Variants in RPA3 observed in about 807,000 individuals in gnomAD.
The protein encoded by RPA3 is replication protein A3, also known as replication protein A 14 kDa subunit.
In RPA3, 24 loss-of-function variants were observed where a neutral mutation model predicts 13.7. The observed-to-expected ratio is 1.75, with a 90% CI of 1.27 to 2.46. The LOEUF (loss-of-function observed/expected upper bound fraction) is 2.46, where lower values mean the gene tolerates loss of function less well. RPA3 is among the 30% of genes most tolerant of loss of function. The probability of loss-of-function intolerance (pLI) is 0.00; values close to 1 mark genes in which losing one functional copy is unlikely to be tolerated. For synonymous variants in RPA3, 59 were observed against 51.2 expected (o/e 1.15, Z -0.65); for missense variants, 183 against 151.0 (o/e 1.21, Z -1.11).
At position 7,710,591 on chromosome 7, in the gene RPA3, T is replaced by C. The variant is rs531694593; in HGVS notation, c.-1028+4584A>G. 6.6e-5 allele frequency among the ~76,000 whole-genome samples: 10 copies of C among 152,304 alleles called. 1 individual carries two copies. Among genetic ancestry groups the C allele is most frequent in the African/African-American group, 2.4e-4 (10 of 41,582 alleles). On this transcript the variant is annotated intron_variant, in intron 2 of 7. Transcript: ENST00000223129. ...TAAGGATGAAGAGAATCTGGATCAC[T>C]TATTGATGATAGGAATGTAAAATGG... is the stretch of plus-strand genomic sequence containing the variant.
intron 4 of RPA3, among the ~76,000 whole-genome samples, chr7:7,670,158 A>G (rs1268862271): frequency 6.6e-6 from 1 of 152,182 alleles, no homozygotes; most frequent in Non-Finnish European, 1.5e-5. Flanking sequence ...ACTACACTTG[A>G]GTTTAGTCTG....
intron 4 of RPA3, among the ~76,000 whole-genome samples, chr7:7,683,330 T>C (rs1167834238): frequency 6.6e-6 from 1 of 152,126 alleles, no homozygotes; most frequent in Non-Finnish European, 1.5e-5. Context: ...GCCCAGGAAT[T>C]GATTTTTTCC....
chr7:7,677,664 G>GTT (rs141602455), intron 4 of RPA3, among the ~76,000 whole-genome samples: 2 of 113,500 alleles, frequency 1.8e-5, no homozygotes, highest in Admixed American at 9.9e-5. Context: ...CTGTTTTTTT[G>GTT]TTTTTTTTTT....
chr7:7,680,900 T>C (rs1779892699), intron 4 of RPA3, among the ~76,000 whole-genome samples: 3 of 152,158 alleles, frequency 2.0e-5, no homozygotes, highest in South Asian at 4.1e-4. Context: ...TTGTATGCCG[T>C]AACCTTACTG....
chr7:7,700,366 C>G (rs1197901714), intron 2 of RPA3, among the ~76,000 whole-genome samples: 1 of 152,164 alleles, frequency 6.6e-6, no homozygotes, highest in African/African-American at 2.4e-5. Context: ...GATTTCATTT[C>G]ATGAATTTTG....
chr7:7,692,875 G>A (rs764026135), intron 2 of RPA3, among the ~76,000 whole-genome samples: 16 of 152,160 alleles, frequency 1.1e-4, no homozygotes, highest in Non-Finnish European at 1.5e-4. Flanking sequence ...CCACAGGGCT[G>A]GGATTACAGG....
At chr7:7,692,375 G>A (rs1481837054) in intron 2 of RPA3, 3 of 152,152 alleles carry the variant, frequency 2.0e-5, no homozygotes, top group Non-Finnish European at 4.4e-5. Flanking sequence ...GGAGGAGAAA[G>A]ACATTCCAAG....
chr7:7,717,068 T>C (rs968933656), intron 1 of RPA3, among the ~76,000 whole-genome samples: 12 of 150,952 alleles, frequency 7.9e-5, no homozygotes, highest in African/African-American at 2.9e-4. Context: ...TTCTTTTTTT[T>C]TTTTTTGAGA....
At chr7:7,707,026 G>C (rs1446104757) in intron 2 of RPA3, among the ~76,000 whole-genome samples, 1 of 152,124 alleles carries the variant, frequency 6.6e-6, no homozygotes, top group African/African-American at 2.4e-5. Context: ...TCTAGAAACA[G>C]AAACATGACT....
At position 7,638,925 on chromosome 7, in the gene RPA3, C is replaced by A. The variant is rs1047103332; in HGVS notation, c.174+145G>T. The stretch of plus-strand genomic sequence containing the variant: ...AAGGAAATATAATGAGAGAATAGTA[C>A]AAGAATTAAATTTTACAGCCAGGGA... On this transcript the variant is annotated intron_variant, in intron 6 of 7. Transcript: ENST00000223129. 7 of 515,832 alleles carry A rather than the reference C, an allele frequency of 1.4e-5. No individual in the cohort carries two copies. In the South Asian group the frequency reaches 2.5e-4, roughly 18 times the overall value. 32.0% of individuals were successfully genotyped at this position (515,832 alleles called of 1,614,324 possible). A position where few individuals can be genotyped will look rare whatever the true frequency, so the allele number is the denominator to read the frequency against.
intron 4 of RPA3, among the ~76,000 whole-genome samples, chr7:7,673,627 G>C (rs1025637723): frequency 1.3e-5 from 2 of 152,212 alleles, no homozygotes; most frequent in Middle Eastern, 3.4e-3. Flanking sequence ...ACTTGGAATA[G>C]TGTCATCAAG....
intron 2 of RPA3, among the ~76,000 whole-genome samples, chr7:7,705,386 T>A (rs1355590904): frequency 2.0e-5 from 3 of 152,226 alleles, no homozygotes. Flanking sequence ...AAAGTAATTT[T>A]ACATGTTCTA....
chr7:7,637,999 T>C (rs1784893761), intron 6 of RPA3, 27 bp from the exon 7 acceptor site: 1 of 1,553,850 alleles, frequency 6.4e-7, no homozygotes, highest in African/African-American at 1.4e-5. Flanking sequence ...GACATCGATT[T>C]GGTGATATCA....
At position 7,653,371 on chromosome 7, in the gene RPA3, A is replaced by T. The variant is rs553412090; in HGVS notation, c.-757-12196T>A. On this transcript the variant is annotated intron_variant, in intron 4 of 7. Coordinates refer to ENST00000223129, the MANE Select transcript of RPA3 (RefSeq NM_002947.5). Reference sequence around the variant, plus strand: ...TTTGTCAGTGATTGAGATCCAAATGATAAATTCTTAGTGCAGTTTGTTTAT... The same window carrying T: ...TTTGTCAGTGATTGAGATCCAAATGTTAAATTCTTAGTGCAGTTTGTTTAT... Among the ~76,000 whole-genome samples, 3 of 152,352 alleles carry T rather than the reference A, an allele frequency of 2.0e-5. No homozygotes were observed. In the South Asian group the frequency reaches 6.2e-4, roughly 32 times the overall value.
At chr7:7,682,125 A>T (rs1322443567) in intron 4 of RPA3, among the ~76,000 whole-genome samples, 2 of 152,186 alleles carry the variant, frequency 1.3e-5, no homozygotes, top group African/African-American at 4.8e-5. Context: ...AGGGAAATGC[A>T]TCATGGTTTT....
intron 4 of RPA3, among the ~76,000 whole-genome samples, chr7:7,660,686 AC>A (rs1281968481): frequency 3.9e-5 from 6 of 152,122 alleles, no homozygotes; most frequent in African/African-American, 1.4e-4. Context: ...AGTCTGATGG[AC>A]TTCCCTTTGT....
rs917546458 is a variant in RPA3, at chr7:7,636,770, G to A, written c.*230C>T. The A allele has an allele frequency of 4.5e-6, 2 of 440,468 alleles. No individual in the cohort carries two copies. Among genetic ancestry groups the A allele is most frequent in the African/African-American group, 2.1e-5 (1 of 48,578 alleles). 27.3% of individuals were successfully genotyped at this position (440,468 alleles called of 1,614,324 possible). On this transcript the variant is annotated 3_prime_UTR_variant, in exon 8 of 8. Coordinates refer to ENST00000223129, the MANE Select transcript of RPA3 (RefSeq NM_002947.5). Reference sequence around the variant, plus strand: ...AATAGAAACTTAGACTCGGACAACTGCTTTATTCTTGCATCTAATCTGACC... The same window carrying A: ...AATAGAAACTTAGACTCGGACAACTACTTTATTCTTGCATCTAATCTGACC...
chr7:7,708,903 G>A (rs1051263958), intron 2 of RPA3, among the ~76,000 whole-genome samples: 3 of 151,818 alleles, frequency 2.0e-5, no homozygotes, highest in African/African-American at 4.8e-5. Context: ...AACCAGCAAG[G>A]GGTGTGTGTT....
At chr7:7,645,200 A>G (rs1471554999) in intron 4 of RPA3, among the ~76,000 whole-genome samples, 3 of 152,118 alleles carry the variant, frequency 2.0e-5, no homozygotes, top group Non-Finnish European at 4.4e-5. Flanking sequence ...GAATTCTTAC[A>G]TATTTTATTT....
Sources: allele counts gnomAD v4.1 joint callset (sites outside exome capture counted in the v4.1 genomes callset), GRCh38; gene constraint gnomAD v4.1.1; transcripts MANE v1.5; gene names NCBI Gene and HGNC (gene_info 2026-07-23, HGNC 2026-07-21).